The following TEKT5 variants were observed in gnomAD, a reference collection of about 807,000 sequenced individuals.
The protein encoded by TEKT5 is tektin-5.
A neutral mutation model predicts 48.7 loss-of-function variants in TEKT5; 52 were observed. That is an observed-to-expected ratio of 1.07 (90% CI 0.86 to 1.35). The LOEUF (loss-of-function observed/expected upper bound fraction) is 1.35, where lower values mean the gene tolerates loss of function less well. TEKT5 is among the 40% of genes most tolerant of loss of function. The pLI is 0.00. For synonymous variants in TEKT5, 318 were observed against 267.6 expected (o/e 1.19, Z -1.84); for missense variants, 831 against 641.6 (o/e 1.30, Z -3.19).
At chr16:10,628,541 T>C (rs937962309) in intron 6 of TEKT5, among the ~76,000 whole-genome samples, 1 of 152,132 alleles carries the variant, frequency 6.6e-6, no homozygotes, top group African/African-American at 2.4e-5. Flanking sequence ...TGTCTGTGGA[T>C]GGATGGATGA....
chr16:10,649,725 T>C (rs1898123507), intron 5 of TEKT5, among the ~76,000 whole-genome samples: 1 of 152,228 alleles, frequency 6.6e-6, no homozygotes, highest in South Asian at 2.1e-4. Context: ...TATGAGCCAC[T>C]GCACTCGGCC....
chr16:10,634,588 C>T (rs78607587), intron 6 of TEKT5, among the ~76,000 whole-genome samples: 15,304 of 152,114 alleles, frequency 0.1, 853 homozygotes, highest in Middle Eastern at 0.13. Context: ...GCATCACATC[C>T]TTGAGTGTGG....
At chr16:10,676,813 A>T (rs1265669817) in intron 4 of TEKT5, among the ~76,000 whole-genome samples, 1 of 152,240 alleles carries the variant, frequency 6.6e-6, no homozygotes, top group African/African-American at 2.4e-5. Flanking sequence ...CCGTGTCCTC[A>T]TGGCGGTTAA....
intron 5 of TEKT5, among the ~76,000 whole-genome samples, chr16:10,649,008 G>A (rs1005362431): frequency 2.0e-5 from 3 of 151,198 alleles, no homozygotes; most frequent in Non-Finnish European, 4.4e-5. Flanking sequence ...GGAGTGCAAT[G>A]GCATGATCAT....
chr16:10,644,804 C>T (rs1027774599), intron 5 of TEKT5, among the ~76,000 whole-genome samples: 5 of 152,180 alleles, frequency 3.3e-5, no homozygotes, highest in African/African-American at 4.8e-5. Context: ...AACAACAAAG[C>T]ACTTTCTCGT....
chr16:10,655,491 G>A (rs1898246518), intron 5 of TEKT5, among the ~76,000 whole-genome samples: 1 of 152,206 alleles, frequency 6.6e-6, no homozygotes, highest in Non-Finnish European at 1.5e-5. Context: ...GATTATGTAT[G>A]TTTATATGTT....
At chr16:10,631,306 A>C (rs1443563228) in intron 6 of TEKT5, among the ~76,000 whole-genome samples, 1 of 125,178 alleles carries the variant, frequency 8.0e-6, no homozygotes, top group East Asian at 2.7e-4. Context: ...CACATGCAAA[A>C]TTAAAGGGCT....
At position 10,690,038 on chromosome 16, in the gene TEKT5, G is replaced by A. The variant is rs374942193; in HGVS notation, c.565-13C>T. ...ACTCCAAGGCCACCTGTGGGAAGCA[G>A]CAGAAAGAACGTATTCTTCCTGTAG... On this transcript the variant is annotated splice_polypyrimidine_tract_variant and intron_variant, in intron 1 of 6. Coordinates refer to ENST00000283025, the MANE Select transcript of TEKT5 (RefSeq NM_144674.2). 507 of 1,613,398 alleles carry A rather than the reference G, an allele frequency of 3.1e-4. No homozygotes were observed. The highest frequency in any genetic ancestry group is 4.1e-4 in the Non-Finnish European group (486 of 1,179,786).
chr16:10,691,549 G>C (rs1898976267), intron 1 of TEKT5: 1 of 152,584 alleles, frequency 6.6e-6, no homozygotes, highest in East Asian at 1.9e-4. Flanking sequence ...GGTCAGCAGA[G>C]AAACAGACAG....
chr16:10,660,167 C>A (rs995058657), intron 5 of TEKT5, among the ~76,000 whole-genome samples: 22 of 152,112 alleles, frequency 1.4e-4, no homozygotes, highest in Admixed American at 1.2e-3. Context: ...AATTTAACAT[C>A]CCCCACCCTA....
At chr16:10,689,372 T>A in intron 2 of TEKT5, 49 bp from the exon 3 acceptor site, 2 of 1,498,226 alleles carry the variant, frequency 1.3e-6, no homozygotes, top group Non-Finnish European at 1.9e-6. Context: ...AACCTCACAG[T>A]CTTCTCTCCC....
rs200951251 is a variant in TEKT5 at position 10,694,301 on chromosome 16, T to C, written c.564+9A>G. ...ACAGCCACAGCCCTGTCCCCACCCC[T>C]GTACTCACCTGCAATGGGCAGTTCA... On this transcript the variant is annotated intron_variant, in intron 1 of 6. Transcript: ENST00000283025. The C allele has an allele frequency of 8.2e-6, 13 of 1,579,064 alleles. No homozygotes were observed. Among genetic ancestry groups the C allele is most frequent in the African/African-American group, 4.0e-5 (3 of 74,450 alleles).
At chr16:10,673,084 G>A (rs1183465866) in intron 5 of TEKT5, among the ~76,000 whole-genome samples, 1 of 152,196 alleles carries the variant, frequency 6.6e-6, no homozygotes, top group Non-Finnish European at 1.5e-5. Context: ...TAACCATGCA[G>A]TCTGGCTCAG....
At chr16:10,690,150 G>A (rs941112074) in intron 1 of TEKT5, 125 bp from the exon 2 acceptor site, 50 of 941,838 alleles carry the variant, frequency 5.3e-5, no homozygotes, top group Non-Finnish European at 6.3e-5. Flanking sequence ...TGCTTCATGT[G>A]ACCTCACTAC....
chr16:10,681,936 G>C, intron 4 of TEKT5, 57 bp downstream of exon 4: 3 of 1,587,664 alleles, frequency 1.9e-6, no homozygotes. Context: ...GGCAGGAGCA[G>C]AAGCCCTCAC....
intron 5 of TEKT5, among the ~76,000 whole-genome samples, chr16:10,669,658 C>T (rs1157552745): frequency 6.6e-6 from 1 of 152,152 alleles, no homozygotes; most frequent in African/African-American, 2.4e-5. Flanking sequence ...AGAATAAGCA[C>T]TTTCTCCATA....
chr16:10,654,399 T>C (rs1898222037), intron 5 of TEKT5, among the ~76,000 whole-genome samples: 1 of 152,106 alleles, frequency 6.6e-6, no homozygotes, highest in Non-Finnish European at 1.5e-5. Context: ...GGGTTAATTG[T>C]ATATGTTAAC....
intron 5 of TEKT5, among the ~76,000 whole-genome samples, chr16:10,637,068 G>A (rs977521930): frequency 1.3e-5 from 2 of 149,372 alleles, no homozygotes; most frequent in South Asian, 2.1e-4. Context: ...TGCAAACTCC[G>A]CCTCCGGGGT....
intron 5 of TEKT5, among the ~76,000 whole-genome samples, chr16:10,645,733 C>A (rs188009194): frequency 6.6e-6 from 1 of 151,994 alleles, no homozygotes; most frequent in African/African-American, 2.4e-5. Context: ...ACCTGGGAGG[C>A]GGAGGTTGCA....
Sources: allele counts gnomAD v4.1 joint callset (sites outside exome capture counted in the v4.1 genomes callset), GRCh38; gene constraint gnomAD v4.1.1; transcripts MANE v1.5; gene names NCBI Gene and HGNC (gene_info 2026-07-23, HGNC 2026-07-21).